Variants in PAX9 observed in about 807,000 individuals in gnomAD.
PAX9 encodes paired box 9.
Under a neutral mutation model 29.1 loss-of-function variants are expected in PAX9, and 6 were observed. The ratio of observed to expected loss-of-function variants is 0.21; its 90% CI spans 0.11 to 0.41. The LOEUF (loss-of-function observed/expected upper bound fraction) is 0.41, where lower values mean the gene tolerates loss of function less well. Ranked by LOEUF, PAX9 falls within the 10% of genes least tolerant of loss-of-function variation. The probability of loss-of-function intolerance (pLI) is 1.00; values close to 1 mark genes in which losing one functional copy is unlikely to be tolerated. For missense variants in PAX9, 443 were observed against 479.1 expected (o/e 0.92, Z 0.70); for synonymous variants, 217 against 211.7 (o/e 1.03, Z -0.22).
chr14:36,666,790 G>A (rs566610817), intron 3 of PAX9, among the ~76,000 whole-genome samples, 189 bp downstream of exon 3: 1 of 152,346 alleles, frequency 6.6e-6, no homozygotes, highest in Admixed American at 6.5e-5. Context: ...AGGCGGAGCT[G>A]GGGCCTCGAC....
chr14:36,676,802 A>G lies in PAX9; in HGVS notation c.*350A>G, dbSNP rs1307676229. On this transcript the variant is annotated 3_prime_UTR_variant, in exon 4 of 4. Transcript: ENST00000361487. ...TAGTCTTTGGTAAAACCACATGTGT[A>G]TATTTATTCTAAATCAACCTGAACT... The G allele has an allele frequency of 3.3e-6, 1 of 305,766 alleles. No individual in the cohort carries two copies. The highest frequency in any genetic ancestry group is 6.3e-6 in the Non-Finnish European group (1 of 159,170). The allele number at this position is 305,766 out of a possible 1,614,324, so 18.9% of individuals were successfully genotyped here.
At chr14:36,660,536 A>G (rs1183174402), upstream of PAX9, among the ~76,000 whole-genome samples, 1 of 152,236 alleles carries the variant, frequency 6.6e-6, no homozygotes, top group Non-Finnish European at 1.5e-5. Flanking sequence ...ATGGCTGATC[A>G]TAGTTTTTTC....
rs1392407436 is a variant in PAX9, at chr14:36,678,275, A to C, written c.*1823A>C. The C allele has an allele frequency of 1.8e-6, 1 of 569,022 alleles. No individual in the cohort carries two copies. The highest frequency in any genetic ancestry group is 3.1e-6 in the Non-Finnish European group (1 of 318,806). 35.2% of individuals were successfully genotyped at this position (569,022 alleles called of 1,614,324 possible). ...ACAGTAAGCAGATTTCTGACACACA[A>C]ATTATGTTAGAGTGACTGCTTTTTT... On this transcript the variant is annotated 3_prime_UTR_variant, in exon 4 of 4. Coordinates refer to ENST00000361487, the MANE Select transcript of PAX9 (RefSeq NM_001372076.1).
intron 3 of PAX9, among the ~76,000 whole-genome samples, chr14:36,667,692 C>T (rs1437744412): frequency 3.3e-5 from 5 of 152,326 alleles, no homozygotes; most frequent in Non-Finnish European, 5.9e-5. Context: ...TCTTCCCTCT[C>T]TTATTTTGTT....
Position 36,662,893 on chromosome 14 carries a change from G to A in PAX9, c.5-4G>A, listed in dbSNP as rs748711010. 9 of 1,609,990 alleles carry A rather than the reference G, an allele frequency of 5.6e-6. No homozygotes were observed. The South Asian group carries it at 8.8e-5, about 16-fold the overall frequency. ...TCCCTGCGCGCTGTGTGTTCATTTT[G>A]CAGAGCCAGCCTTCGGGGAGGTGAA... On this transcript the variant is annotated splice_region_variant and splice_polypyrimidine_tract_variant and intron_variant, in intron 1 of 3. Coordinates refer to ENST00000361487, the MANE Select transcript of PAX9 (RefSeq NM_001372076.1).
In PAX9 at chr14:36,679,038, G is replaced by A; in HGVS notation, c.*2586G>A. ...TTTAAACTGGCAAATGCACTCTTCA[G>A]AAATCCTTTTCTATCTGATCCACAT... On this transcript the variant is annotated 3_prime_UTR_variant, in exon 4 of 4. Coordinates refer to ENST00000361487, the MANE Select transcript of PAX9 (RefSeq NM_001372076.1). The A allele has an allele frequency of 1.0e-6, 1 of 985,426 alleles. No homozygotes were observed. The highest frequency in any genetic ancestry group is 1.2e-6 in the Non-Finnish European group (1 of 829,964). The allele number at this position is 985,426 out of a possible 1,614,324, so 61.0% of individuals were successfully genotyped here. A position where few individuals can be genotyped will look rare whatever the true frequency, so the allele number is the denominator to read the frequency against.
At chr14:36,661,685 C>T (rs1881271118), upstream of PAX9, 1 of 288,174 alleles carries the variant, frequency 3.5e-6, no homozygotes, top group African/African-American at 2.2e-5. Context: ...CACCCATTTT[C>T]ATTGTATTTA....
chr14:36,663,442 G>C lies in PAX9; in HGVS notation c.550G>C (p.Gly184Arg). 1 of 1,612,944 alleles carries C rather than the reference G, an allele frequency of 6.2e-7. No homozygotes were observed. Among genetic ancestry groups the C allele is most frequent in the Non-Finnish European group, 8.5e-7 (1 of 1,179,728 alleles). ...GCCACCCGGGGTGCCTGCCATCCCC[G>C]GTTCGGTGGCCATGCCGCGCACCTG... The part of the protein sequence containing the change: ...PTPPGVPAIP[G>R]SVAMPRTWPS... Residue 184 changes from glycine (G) to arginine (R), a missense_variant, in exon 2 of 4, where the codon GGT becomes CGT. By Grantham distance (125) the Gly-to-Arg change is moderately radical. Coordinates refer to ENST00000361487, the MANE Select transcript of PAX9 (RefSeq NM_001372076.1).
rs1464276648 is a variant in PAX9 at position 36,676,380 on chromosome 14, G to A, written c.954G>A (p.Pro318=). Residue 318 remains proline (P), a synonymous_variant, in exon 4 of 4, where the codon CCG becomes CCA. Transcript: ENST00000361487. ...TSLSPHNCDI[P]ASLAFKGMQA... is the part of the protein sequence containing the mutation. ...TGTCTCCCCACAACTGTGACATTCC[G>A]GCATCGCTGGCGTTCAAGGGAATGC... The A allele has an allele frequency of 5.6e-6, 9 of 1,614,082 alleles. No individual in the cohort carries two copies. Among genetic ancestry groups the A allele is most frequent in the East Asian group, 2.2e-5 (1 of 44,868 alleles).
chr14:36,666,572 G>A lies in PAX9; in HGVS notation c.742G>A (p.Ala248Thr). ...CGCGGTGAACGGGTTGGAGAAGGGA[G>A]CCCTGGAGCAGGAAGCCAAGTACGG... ...PHAVNGLEKGALEQEAKYGQA... is the reference protein window; with the variant it reads ...PHAVNGLEKGTLEQEAKYGQA... The change falls in exon 3 of 4, where the codon GCC becomes ACC. Residue 248 changes from alanine to threonine, a missense_variant. Around this residue, in one of 2 missense-constraint regions of PAX9, gnomAD observed 336 missense variants for 317.2 expected, o/e 1.06. Transcript: ENST00000361487. The A allele has an allele frequency of 1.9e-6, 3 of 1,574,774 alleles. No individual in the cohort carries two copies. Among genetic ancestry groups the A allele is most frequent in the Non-Finnish European group, 2.6e-6 (3 of 1,159,964 alleles).
intron 3 of PAX9, chr14:36,672,220 A>G (rs971502958): frequency 1.3e-5 from 2 of 152,226 alleles, no homozygotes; most frequent in African/African-American, 4.8e-5. Flanking sequence ...TGATTTATAA[A>G]TCATATTTAC....
rs534739432 is a variant in PAX9, at chr14:36,678,029, T to C, written c.*1577T>C. 6.5e-6 allele frequency: 1 copy of C among 154,886 alleles called. No individual in the cohort carries two copies. The highest frequency in any genetic ancestry group is 2.1e-4 in the South Asian group (1 of 4,874). 9.6% of individuals were successfully genotyped at this position (154,886 alleles called of 1,614,324 possible). A position where few individuals can be genotyped will look rare whatever the true frequency, so the allele number is the denominator to read the frequency against. ...TGGTACAATTCAGCTGTTGGAAAATTAATATATTGAGGGTTTTTTGGTACT... is the reference window on the plus strand; with the variant it reads ...TGGTACAATTCAGCTGTTGGAAAATCAATATATTGAGGGTTTTTTGGTACT... On this transcript the variant is annotated 3_prime_UTR_variant, in exon 4 of 4. Coordinates refer to ENST00000361487, the MANE Select transcript of PAX9 (RefSeq NM_001372076.1).
intron 3 of PAX9, among the ~76,000 whole-genome samples, chr14:36,674,180 C>T (rs534161119): frequency 6.6e-6 from 1 of 152,330 alleles, no homozygotes; most frequent in East Asian, 1.9e-4. Context: ...GAGACATAAT[C>T]AGCCATTCTC....
At chr14:36,676,106 A>C in intron 3 of PAX9, 92 bp from the exon 4 acceptor site, 1 of 1,359,100 alleles carries the variant, frequency 7.4e-7, no homozygotes, top group Admixed American at 1.8e-5. Flanking sequence ...TTGCTGGCTT[A>C]CTCAGACTTA....
chr14:36,666,585 A>C lies in PAX9; in HGVS notation c.755A>C (p.Glu252Ala). 6.4e-7 allele frequency: 1 copy of C among 1,570,644 alleles called. No homozygotes were observed. Among genetic ancestry groups the C allele is most frequent in the Non-Finnish European group, 8.6e-7 (1 of 1,157,618 alleles). ...TTGGAGAAGGGAGCCCTGGAGCAGG[A>C]AGCCAAGTACGGTCAGGTGAGGAGG... is the stretch of plus-strand genomic sequence containing the variant. ...NGLEKGALEQ[E>A]AKYGQAPNGL... is the part of the protein sequence containing the mutation. Residue 252 changes from glutamate (E) to alanine (A), a missense_variant, in exon 3 of 4, where the codon GAA becomes GCA. Physicochemically the swap from Glu to Ala is moderately radical, Grantham distance 107. Around this residue, in one of 2 missense-constraint regions of PAX9, gnomAD observed 336 missense variants for 317.2 expected, o/e 1.06. Coordinates refer to ENST00000361487, the MANE Select transcript of PAX9 (RefSeq NM_001372076.1).
Position 36,663,265 on chromosome 14 carries a change from C to A in PAX9, c.373C>A (p.Arg125Ser). The A allele has an allele frequency of 6.2e-7, 1 of 1,614,182 alleles. No individual in the cohort carries two copies. Among genetic ancestry groups the A allele is most frequent in the Non-Finnish European group, 8.5e-7 (1 of 1,180,036 alleles). ...YNVPSVSSISRILRNKIGNLA... is the reference protein window; with the variant it reads ...YNVPSVSSISSILRNKIGNLA... Reference sequence around the variant, plus strand: ...TGTGCCCTCCGTGAGCTCCATCAGCCGCATTCTGCGCAACAAGATCGGCAA... The same window carrying A: ...TGTGCCCTCCGTGAGCTCCATCAGCAGCATTCTGCGCAACAAGATCGGCAA... Residue 125 changes from arginine to serine, a missense_variant, in exon 2 of 4, where the codon CGC becomes AGC. By Grantham distance (110) the Arg-to-Ser change is moderately radical. This residue lies in a region of PAX9 where 336 missense variants were observed against 317.2 expected (regional missense o/e 1.06). Transcript: ENST00000361487.
rs1327267422 is a variant in PAX9, at chr14:36,678,314, T to G, written c.*1862T>G. The G allele has an allele frequency of 1.4e-5, 8 of 578,684 alleles. No homozygotes were observed. Among genetic ancestry groups the G allele is most frequent in the Non-Finnish European group, 2.4e-5 (8 of 329,504 alleles). 35.8% of individuals were successfully genotyped at this position (578,684 alleles called of 1,614,324 possible). ...GACTGCTTTTTTCAGACAGCAGATATCTTATAGAGAGCTTTGAACTGCATT... is the reference window on the plus strand; with the variant it reads ...GACTGCTTTTTTCAGACAGCAGATAGCTTATAGAGAGCTTTGAACTGCATT... On this transcript the variant is annotated 3_prime_UTR_variant, in exon 4 of 4. Coordinates refer to ENST00000361487, the MANE Select transcript of PAX9 (RefSeq NM_001372076.1).
rs776488029 is a variant in PAX9 at position 36,666,433 on chromosome 14, G to A, written c.632-29G>A. On this transcript the variant is annotated intron_variant, in intron 2 of 3. Coordinates refer to ENST00000361487, the MANE Select transcript of PAX9 (RefSeq NM_001372076.1). ...AGTGGGGCGCGCGGGCTGGGCCTCC[G>A]GCCTGACACCCTCTCTTCTCTCCAT... The A allele has an allele frequency of 8.7e-6, 14 of 1,604,772 alleles. No individual in the cohort carries two copies. In the South Asian group the frequency reaches 1.3e-4, roughly 15 times the overall value.
At chr14:36,661,575 G>T, upstream of PAX9, 1 of 181,424 alleles carries the variant, frequency 5.5e-6, no homozygotes, top group Non-Finnish European at 1.1e-5. Context: ...TTCTCCCTTC[G>T]AGTCATTCAC....
Sources: allele counts gnomAD v4.1 joint callset (sites outside exome capture counted in the v4.1 genomes callset), GRCh38; gene constraint gnomAD v4.1.1; regional missense constraint gnomAD v4.1.1; transcripts MANE v1.5; gene names NCBI Gene and HGNC (gene_info 2026-07-23, HGNC 2026-07-21).